Variants in SPNS2 observed in about 807,000 individuals in gnomAD.
SPNS2 encodes SPNS lysolipid transporter 2, sphingosine-1-phosphate.
In SPNS2, 37 loss-of-function variants were observed where a neutral mutation model predicts 57.6. The ratio of observed to expected loss-of-function variants is 0.64; its 90% CI spans 0.49 to 0.85. SPNS2 has a LOEUF of 0.85. SPNS2 is among the 40% of genes least tolerant of loss of function. The pLI is 0.00. For missense variants in SPNS2, 831 were observed against 779.1 expected (o/e 1.07, Z -0.79); for synonymous variants, 440 against 346.9 (o/e 1.27, Z -2.98).
chr17:4,527,080 G>A (rs1278902090), intron 3 of SPNS2, among the ~76,000 whole-genome samples: 1 of 152,230 alleles, frequency 6.6e-6, no homozygotes, highest in East Asian at 1.9e-4. Flanking sequence ...TGGGTGTGTG[G>A]AAGGAGACAG....
At chr17:4,520,221 T>G (rs1905104749) in intron 2 of SPNS2, among the ~76,000 whole-genome samples, 1 of 152,214 alleles carries the variant, frequency 6.6e-6, no homozygotes, top group African/African-American at 2.4e-5. Flanking sequence ...TTCATCAGGC[T>G]GGGGCCGGTG....
intron 2 of SPNS2, among the ~76,000 whole-genome samples, chr17:4,519,822 C>T (rs1420692545): frequency 1.3e-5 from 2 of 152,228 alleles, no homozygotes; most frequent in Non-Finnish European, 2.9e-5. Context: ...GTGTCCCCAT[C>T]GGACACAGTC....
At chr17:4,537,033 G>A (rs1485588593) in intron 12 of SPNS2, 87 bp downstream of exon 12, 23 of 1,425,682 alleles carry the variant, frequency 1.6e-5, no homozygotes, top group Non-Finnish European at 2.2e-5. Context: ...TTCCTCCAGA[G>A]TCACCTCCTA....
intron 3 of SPNS2, among the ~76,000 whole-genome samples, chr17:4,527,579 C>T (rs543053377): frequency 8.5e-5 from 13 of 152,294 alleles, no homozygotes; most frequent in South Asian, 8.3e-4. Context: ...AAAATGGGCA[C>T]GGGATAGCTA....
Position 4,513,233 on chromosome 17 carries a change from T to C in SPNS2, c.371-14T>C. 3 of 1,613,702 alleles carry C rather than the reference T, an allele frequency of 1.9e-6. No homozygotes were observed. The highest frequency in any genetic ancestry group is 2.5e-6 in the Non-Finnish European group (3 of 1,179,596). ...TCAGACTCGGCCAGTGAGCACCCTC[T>C]GTCTTCCCTCCAGGCGTCCTTCTGG... On this transcript the variant is annotated splice_polypyrimidine_tract_variant and intron_variant, in intron 1 of 12. Coordinates refer to ENST00000329078, the MANE Select transcript of SPNS2 (RefSeq NM_001124758.3).
intron 6 of SPNS2, 136 bp from the exon 7 acceptor site, chr17:4,532,841 C>T (rs1905555598): frequency 3.4e-6 from 5 of 1,458,824 alleles, no homozygotes; most frequent in South Asian, 2.7e-5. Flanking sequence ...ATCGATTATT[C>T]CTGCAGCCTG....
At chr17:4,514,183 G>A (rs930695193) in intron 2 of SPNS2, among the ~76,000 whole-genome samples, 4 of 152,232 alleles carry the variant, frequency 2.6e-5, no homozygotes, top group African/African-American at 9.6e-5. Context: ...GGCTTGGGGC[G>A]GGAGGCCTGG....
chr17:4,530,592 G>A, intron 3 of SPNS2, 40 bp from the exon 4 acceptor site: 2 of 1,587,910 alleles, frequency 1.3e-6, no homozygotes, highest in South Asian at 2.3e-5. Flanking sequence ...GGCAGACGGT[G>A]GGTAGTCGGT....
intron 2 of SPNS2, among the ~76,000 whole-genome samples, chr17:4,516,978 C>T (rs954062820): frequency 2.0e-5 from 3 of 152,206 alleles, no homozygotes; most frequent in African/African-American, 4.8e-5. Context: ...AATGGCGCAA[C>T]GAACTTCCAT....
Position 4,538,407 on chromosome 17 carries a change from G to C in SPNS2, c.*959G>C, listed in dbSNP as rs1365879766. The stretch of plus-strand genomic sequence containing the variant: ...AGCTTCCTGCCCCAGAGCTGAGGCT[G>C]AGGCCCCGGGAGAGGCGGCCCCTAC... On this transcript the variant is annotated 3_prime_UTR_variant, in exon 13 of 13. Coordinates refer to ENST00000329078, the MANE Select transcript of SPNS2 (RefSeq NM_001124758.3). 1 of 190,526 alleles carries C rather than the reference G, an allele frequency of 5.2e-6. No individual in the cohort carries two copies. The highest frequency in any genetic ancestry group is 2.4e-5 in the African/African-American group (1 of 41,724). 11.8% of individuals were successfully genotyped at this position (190,526 alleles called of 1,614,324 possible).
In SPNS2 at chr17:4,536,976, C is replaced by T. The variant is rs200537623; in HGVS notation, c.*4+30C>T. 6 of 1,610,036 alleles carry T rather than the reference C, an allele frequency of 3.7e-6. No homozygotes were observed. In the Admixed American group the frequency reaches 8.5e-5, roughly 23 times the overall value. On this transcript the variant is annotated intron_variant, in intron 12 of 12. Coordinates refer to ENST00000329078, the MANE Select transcript of SPNS2 (RefSeq NM_001124758.3). ...GTGCAGGCCGGGAGGCACGTGGGGG[C>T]TCCCTAAGGAAAGGGGAAGGCCAGG...
At chr17:4,533,996 G>C in intron 9 of SPNS2, 143 bp downstream of exon 9, 1 of 806,188 alleles carries the variant, frequency 1.2e-6, no homozygotes, top group Non-Finnish European at 2.0e-6. Context: ...GAGGCAGGGA[G>C]GGGATCAGAG....
rs1905617180 is a variant in SPNS2, at chr17:4,533,776, T to C, written c.1279-12T>C. 1.2e-6 allele frequency: 2 copies of C among 1,613,662 alleles called. No homozygotes were observed. Among genetic ancestry groups the C allele is most frequent in the Non-Finnish European group, 1.7e-6 (2 of 1,179,986 alleles). ...GGGACCGCTGATGGTGGCTTTGCCTTCTCCCCGGCAGATCTGTATCTTCGT... is the reference window on the plus strand; with the variant it reads ...GGGACCGCTGATGGTGGCTTTGCCTCCTCCCCGGCAGATCTGTATCTTCGT... On this transcript the variant is annotated splice_polypyrimidine_tract_variant and intron_variant, in intron 8 of 12. Transcript: ENST00000329078.
chr17:4,527,690 T>C (rs76908977), intron 3 of SPNS2, among the ~76,000 whole-genome samples: 3,635 of 152,068 alleles, frequency 0.024, 148 homozygotes, highest in African/African-American at 0.081. Flanking sequence ...AGAACAACAA[T>C]GAGATCCCAT....
chr17:4,532,478 C>T (rs1039761863), intron 5 of SPNS2, 64 bp from the exon 6 acceptor site: 3 of 1,612,020 alleles, frequency 1.9e-6, no homozygotes, highest in Admixed American at 3.3e-5. Context: ...GCCTGAGTCC[C>T]TCCTTCTGCA....
rs774539167 is a variant in SPNS2, at chr17:4,538,962, G to A, written c.*1514G>A. On this transcript the variant is annotated 3_prime_UTR_variant, in exon 13 of 13. Transcript: ENST00000329078. ...CCTTTATTTTTTAGAGCTGCTGATT[G>A]TGAATCTCAGAGTCTTAAGAGAGAA... 3.8e-6 allele frequency: 3 copies of A among 787,674 alleles called. No homozygotes were observed. Among genetic ancestry groups the A allele is most frequent in the East Asian group, 2.4e-5 (1 of 41,286 alleles). The allele number at this position is 787,674 out of a possible 1,614,324, so 48.8% of individuals were successfully genotyped here. A position where few individuals can be genotyped will look rare whatever the true frequency, so the allele number is the denominator to read the frequency against.
chr17:4,532,493 G>A, intron 5 of SPNS2, 49 bp from the exon 6 acceptor site: 1 of 1,613,642 alleles, frequency 6.2e-7, no homozygotes, highest in Non-Finnish European at 8.5e-7. Flanking sequence ...TCTGCAGCAG[G>A]GACGAGGCTC....
rs1904384963 is a variant in SPNS2, at chr17:4,499,262, C to T, written c.215C>T (p.Pro72Leu). ...GTAAGGCGGGCCCCGACCGGACCCC[C>T]CGGCACCCCCGGCACCCCCGGCTGC... ...GSVRRAPTGPPGTPGTPGCAA... is the reference protein window; with the variant it reads ...GSVRRAPTGPLGTPGTPGCAA... The change falls in exon 1 of 13, where the codon CCC (proline) becomes CTC (leucine). Residue 72 changes from proline to leucine, a missense_variant. Transcript: ENST00000329078. This position sits in a 1 kb window ranked among gnomAD's most constrained non-coding sequence, Gnocchi z 5.2. 3 of 1,474,766 alleles carry T rather than the reference C, an allele frequency of 2.0e-6. No individual in the cohort carries two copies. Among genetic ancestry groups the T allele is most frequent in the East Asian group, 2.9e-5 (1 of 34,372 alleles). 91.4% of individuals were successfully genotyped at this position (1,474,766 alleles called of 1,614,324 possible). A position where few individuals can be genotyped will look rare whatever the true frequency, so the allele number is the denominator to read the frequency against.
intron 2 of SPNS2, among the ~76,000 whole-genome samples, chr17:4,523,204 G>A (rs11868412): frequency 0.021 from 3,230 of 152,298 alleles, 86 homozygotes; most frequent in African/African-American, 0.065. Context: ...TTGGGAGGCC[G>A]CGGCAGGTAG....
Sources: gnomAD v4.1 joint callset for allele counts (sites outside exome capture counted in the v4.1 genomes callset) on GRCh38, gnomAD v4.1.1 for gene constraint, Gnocchi (gnomAD v3.1) non-coding constraint, MANE v1.5 for transcripts, NCBI Gene and HGNC (gene_info 2026-07-23, HGNC 2026-07-21) for gene names.